The following CPNE4 variants were observed in gnomAD, a reference collection of about 807,000 sequenced individuals.
The protein encoded by CPNE4 is copine 4, also known as copine-4.
Under a neutral mutation model 67.9 loss-of-function variants are expected in CPNE4, and 25 were observed. The observed-to-expected ratio is 0.37, with a 90% CI of 0.27 to 0.51. CPNE4 has a LOEUF of 0.51. CPNE4 is among the 20% of genes least tolerant of loss of function. The pLI, the probability that CPNE4 is intolerant of heterozygous loss-of-function variation, is 0.93. For synonymous variants in CPNE4, 242 were observed against 244.9 expected (o/e 0.99, Z 0.11); for missense variants, 464 against 690.8 (o/e 0.67, Z 3.68).
intron 7 of CPNE4, among the ~76,000 whole-genome samples, chr3:131,645,435 A>G (rs954238198): frequency 1.3e-5 from 2 of 152,206 alleles, no homozygotes; most frequent in East Asian, 3.8e-4. Flanking sequence ...CACTTTGGCC[A>G]TGCATTTTGA....
chr3:131,853,648 T>C (rs2086324603), intron 2 of CPNE4, among the ~76,000 whole-genome samples: 1 of 151,922 alleles, frequency 6.6e-6, no homozygotes, highest in African/African-American at 2.4e-5. Context: ...ATTGAATCAA[T>C]ATTTGCAAAA....
At chr3:131,704,046 C>G (rs12633382) in intron 3 of CPNE4, among the ~76,000 whole-genome samples, 18,811 of 152,180 alleles carry the variant, frequency 0.12, 1,270 homozygotes, top group African/African-American at 0.16. Context: ...AACAAGCATT[C>G]CTTACACTTG....
chr3:131,928,637 TCAC>T (rs2070964295), intron 1 of CPNE4, among the ~76,000 whole-genome samples: 1 of 152,164 alleles, frequency 6.6e-6, no homozygotes, highest in Admixed American at 6.6e-5. Flanking sequence ...TGAGGTGTGA[TCAC>T]CACAAGGAAA....
chr3:131,674,804 T>C lies in CPNE4; in HGVS notation c.592-5040A>G, dbSNP rs565471770. Among the ~76,000 whole-genome samples, 6 of 152,064 alleles carry C rather than the reference T, an allele frequency of 3.9e-5. No homozygotes were observed. In the South Asian group the frequency reaches 1.2e-3, roughly 32 times the overall value. The stretch of plus-strand genomic sequence containing the variant: ...TTTTTTATTATTTTCTTCATTTAAA[T>C]TTCATTTATTTCTGATATAATCATT... On this transcript the variant is annotated intron_variant, in intron 6 of 15. Coordinates refer to ENST00000429747, the MANE Select transcript of CPNE4 (RefSeq NM_130808.3).
At chr3:131,729,446 C>A (rs2082077538) in intron 2 of CPNE4, among the ~76,000 whole-genome samples, 1 of 152,058 alleles carries the variant, frequency 6.6e-6, no homozygotes, top group Admixed American at 6.6e-5. Flanking sequence ...ACCAAGCCAC[C>A]AGAAATAGCA....
At chr3:131,615,590 G>A (rs1169494157) in intron 7 of CPNE4, among the ~76,000 whole-genome samples, 3 of 152,076 alleles carry the variant, frequency 2.0e-5, no homozygotes, top group Non-Finnish European at 4.4e-5. Context: ...ACATAAAAGT[G>A]TTCTTAAAAC....
chr3:132,005,806 TA>T (rs11327289), intron 1 of CPNE4, among the ~76,000 whole-genome samples: 118,366 of 151,518 alleles, frequency 0.78, 47,209 homozygotes, highest in South Asian at 0.89. Context: ...AATCCACTTC[TA>T]AAAGCCCTCA....
intron 1 of CPNE4, among the ~76,000 whole-genome samples, chr3:131,983,468 T>C (rs1241287701): frequency 2.0e-5 from 3 of 152,178 alleles, no homozygotes; most frequent in Non-Finnish European, 2.9e-5. Flanking sequence ...CAAAAAGATC[T>C]CTTTAAAGTG....
chr3:131,670,481 A>T lies in CPNE4; in HGVS notation c.592-717T>A, dbSNP rs917279745. On this transcript the variant is annotated intron_variant, in intron 6 of 15. Transcript: ENST00000429747. ...TATGAGTCAAATCTTATCTTGCCAT[A>T]ACTATGGTTCAAATAATTCAATTTG... Among the ~76,000 whole-genome samples, 16 of 152,324 alleles carry T rather than the reference A, an allele frequency of 1.1e-4. 1 individual carries two copies. Among genetic ancestry groups the T allele is most frequent in the Admixed American group, 6.5e-4 (10 of 15,300 alleles).
At chr3:131,897,279 A>G (rs1046539951) in intron 2 of CPNE4, among the ~76,000 whole-genome samples, 1 of 152,092 alleles carries the variant, frequency 6.6e-6, no homozygotes, top group African/African-American at 2.4e-5. Flanking sequence ...TGACCTGAAC[A>G]TATACATTTC....
At chr3:131,964,540 G>C (rs904071029) in intron 1 of CPNE4, among the ~76,000 whole-genome samples, 2 of 151,840 alleles carry the variant, frequency 1.3e-5, no homozygotes, top group African/African-American at 4.8e-5. Context: ...TGACCTGATG[G>C]AGCTGAAAAA....
chr3:131,961,215 T>C (rs1473751761), intron 1 of CPNE4, among the ~76,000 whole-genome samples: 4 of 152,192 alleles, frequency 2.6e-5, no homozygotes. Flanking sequence ...AACTCCCTCA[T>C]AGAATGAGTT....
intron 2 of CPNE4, among the ~76,000 whole-genome samples, chr3:131,882,235 T>C (rs2087701626): frequency 6.6e-6 from 1 of 152,100 alleles, no homozygotes; most frequent in Non-Finnish European, 1.5e-5. Context: ...TATATTAGTA[T>C]TTTATATGTG....
chr3:131,955,782 A>T (rs1205080335), intron 1 of CPNE4, among the ~76,000 whole-genome samples: 1 of 152,136 alleles, frequency 6.6e-6, no homozygotes, highest in Non-Finnish European at 1.5e-5. Flanking sequence ...CTTGTACGGA[A>T]GTGGTGGCCA....
chr3:131,997,927 T>G (rs2073336615), intron 1 of CPNE4, among the ~76,000 whole-genome samples: 1 of 152,128 alleles, frequency 6.6e-6, no homozygotes, highest in Admixed American at 6.6e-5. Context: ...TATAATTGCC[T>G]GCTTCCATGA....
chr3:131,679,411 T>G (rs915670114), intron 6 of CPNE4, among the ~76,000 whole-genome samples: 4 of 152,160 alleles, frequency 2.6e-5, no homozygotes, highest in African/African-American at 9.7e-5. Flanking sequence ...GAATGGTTTT[T>G]TGTCTCTCTA....
At chr3:131,547,285 C>T (rs6798204) in intron 14 of CPNE4, among the ~76,000 whole-genome samples, 23,535 of 151,322 alleles carry the variant, frequency 0.16, 1,938 homozygotes, top group African/African-American at 0.21. Flanking sequence ...CAAGACCCCA[C>T]CTCTACAAAA....
intron 1 of CPNE4, among the ~76,000 whole-genome samples, chr3:131,996,930 ACCTAC>A (rs2073309287): frequency 6.6e-6 from 1 of 152,092 alleles, no homozygotes; most frequent in Non-Finnish European, 1.5e-5. Context: ...AATTATGAGG[ACCTAC>A]ATATCAATGA....
At chr3:131,814,072 A>C (rs1315124675) in intron 2 of CPNE4, among the ~76,000 whole-genome samples, 1 of 152,200 alleles carries the variant, frequency 6.6e-6, no homozygotes, top group African/African-American at 2.4e-5. Context: ...GAACTATATT[A>C]TAACAGACTG....
Sources: gnomAD v4.1 joint callset for allele counts (sites outside exome capture counted in the v4.1 genomes callset) on GRCh38, gnomAD v4.1.1 for gene constraint, MANE v1.5 for transcripts, NCBI Gene and HGNC (gene_info 2026-07-23, HGNC 2026-07-21) for gene names.